PPARGC1A: variants seen among roughly 807,000 people sequenced by gnomAD.
The protein encoded by PPARGC1A is PPARG coactivator 1 alpha, also known as peroxisome proliferator-activated receptor gamma coactivator 1-alpha.
PPARGC1A carries 25 observed loss-of-function variants against 88.7 expected under a neutral mutation model. That is an observed-to-expected ratio of 0.28 (90% CI 0.21 to 0.39). PPARGC1A has a LOEUF of 0.39. Among genes scored for constraint, PPARGC1A ranks in the 10% least tolerant of loss-of-function variants. PPARGC1A has a pLI of 1.00. For synonymous variants in PPARGC1A, 363 were observed against 355.6 expected, an observed-to-expected ratio of 1.02 and a Z score of -0.24; for missense variants, 880 against 968.7, an observed-to-expected ratio of 0.91 and a Z score of 1.22.
the PPARGC1A span, among the ~76,000 whole-genome samples, chr4:24,453,276 A>G: frequency 6.6e-6 from 1 of 152,228 alleles, no homozygotes; most frequent in African/African-American, 2.4e-5. Context: ...TGTTTAAGAC[A>G]CCGAGCCCGT....
chr4:23,895,159 G>GAAA (rs773200297), intron 1 of PPARGC1A, among the ~76,000 whole-genome samples: 29 of 53,610 alleles, frequency 5.4e-4, no homozygotes, highest in African/African-American at 1.7e-3. Flanking sequence ...TTGTTTAACT[G>GAAA]AAAAAAAAAA....
At chr4:23,940,440 A>G in the PPARGC1A span, among the ~76,000 whole-genome samples, 1 of 152,242 alleles carries the variant, frequency 6.6e-6, no homozygotes, top group Non-Finnish European at 1.5e-5. Flanking sequence ...AGGTGACCTC[A>G]ACAGGCAATT....
At chr4:23,943,761 C>G in the PPARGC1A span, among the ~76,000 whole-genome samples, 4 of 152,284 alleles carry the variant, frequency 2.6e-5, no homozygotes, top group Admixed American at 2.6e-4. Context: ...AAGTTAACAT[C>G]ATCATAAATC....
At chr4:24,121,815 C>T in the PPARGC1A span, among the ~76,000 whole-genome samples, 593 of 152,288 alleles carry the variant, frequency 3.9e-3, 7 homozygotes, top group African/African-American at 0.014. Context: ...ATGATTTCAA[C>T]GCATGGTTAA....
At chr4:24,083,921 G>A in the PPARGC1A span, among the ~76,000 whole-genome samples, 1,751 of 152,242 alleles carry the variant, frequency 0.012, 22 homozygotes, top group Non-Finnish European at 0.017. Context: ...TCAATCACTC[G>A]TCCAAGTGCA....
the PPARGC1A span, among the ~76,000 whole-genome samples, chr4:24,423,060 T>C: frequency 2.0e-5 from 3 of 152,302 alleles, no homozygotes; most frequent in South Asian, 2.1e-4. Context: ...ACCATATATA[T>C]ACATGGTGTT....
At chr4:24,115,325 G>A in the PPARGC1A span, among the ~76,000 whole-genome samples, 1 of 151,792 alleles carries the variant, frequency 6.6e-6, no homozygotes, top group South Asian at 2.1e-4. Context: ...TTTTTAAATC[G>A]GTAAATAATA....
chr4:24,433,150 G>T, the PPARGC1A span, among the ~76,000 whole-genome samples: 1 of 152,078 alleles, frequency 6.6e-6, no homozygotes, highest in African/African-American at 2.4e-5. Context: ...ATAGCTAATG[G>T]GTTTTTTAAA....
the PPARGC1A span, among the ~76,000 whole-genome samples, chr4:23,965,004 C>T: frequency 6.6e-6 from 1 of 152,172 alleles, no homozygotes; most frequent in Non-Finnish European, 1.5e-5. Context: ...CAACTCATTT[C>T]TCAGGAAAAT....
chr4:23,873,212 A>AAAAG (rs1553899167), intron 2 of PPARGC1A, among the ~76,000 whole-genome samples: 1 of 147,150 alleles, frequency 6.8e-6, no homozygotes, highest in Non-Finnish European at 1.5e-5. Flanking sequence ...ATAAAAAATA[A>AAAAG]AAAATAAAAA....
the PPARGC1A span, among the ~76,000 whole-genome samples, chr4:24,444,943 C>T: frequency 5.3e-5 from 8 of 152,062 alleles, no homozygotes; most frequent in Admixed American, 5.2e-4. Flanking sequence ...GTCCCAGCTA[C>T]TCGGGAGGCT....
the PPARGC1A span, among the ~76,000 whole-genome samples, chr4:24,472,331 G>A: frequency 6.6e-6 from 1 of 151,706 alleles, no homozygotes; most frequent in Non-Finnish European, 1.5e-5. This position sits in a 1 kb window ranked among gnomAD's most constrained non-coding sequence, Gnocchi z 4.5. Flanking sequence ...CGCGCGGCAG[G>A]GGGCAAGGGG....
At chr4:23,971,067 C>A in the PPARGC1A span, among the ~76,000 whole-genome samples, 44 of 152,224 alleles carry the variant, frequency 2.9e-4, no homozygotes, top group African/African-American at 9.9e-4. Context: ...CAGCAGAGGG[C>A]TCCACGCTCC....
At chr4:24,339,225 T>TACACACACACAC in the PPARGC1A span, among the ~76,000 whole-genome samples, 2 of 80,402 alleles carry the variant, frequency 2.5e-5, no homozygotes, top group Non-Finnish European at 2.8e-5. Context: ...TATATATATA[T>TACACACACACAC]ATATATATAT....
chr4:24,229,538 TAA>T, the PPARGC1A span, among the ~76,000 whole-genome samples: 1 of 151,436 alleles, frequency 6.6e-6, no homozygotes, highest in Non-Finnish European at 1.5e-5. Context: ...AATCTTTCTT[TAA>T]AAGAGTTGTT....
the PPARGC1A span, among the ~76,000 whole-genome samples, chr4:24,424,497 G>A: frequency 5.9e-3 from 890 of 151,956 alleles, 8 homozygotes; most frequent in African/African-American, 0.02. Context: ...GGATGGCCTC[G>A]ATCTCCTGAC....
chr4:24,136,836 C>G, the PPARGC1A span, among the ~76,000 whole-genome samples: 1 of 152,070 alleles, frequency 6.6e-6, no homozygotes, highest in African/African-American at 2.4e-5. Context: ...TAAAATGGAC[C>G]TGGGGTCAGT....
At chr4:24,043,919 G>A in the PPARGC1A span, among the ~76,000 whole-genome samples, 1 of 152,150 alleles carries the variant, frequency 6.6e-6, no homozygotes, top group South Asian at 2.1e-4. Flanking sequence ...AGACATGGAG[G>A]AAGGACATTT....
the PPARGC1A span, among the ~76,000 whole-genome samples, chr4:24,189,437 C>T: frequency 6.6e-6 from 1 of 152,034 alleles, no homozygotes; most frequent in Non-Finnish European, 1.5e-5. Flanking sequence ...CAGGAAGTTC[C>T]ACCACACCCC....
Sources: gnomAD v4.1 joint callset for allele counts (sites outside exome capture counted in the v4.1 genomes callset) on GRCh38, gnomAD v4.1.1 for gene constraint, Gnocchi (gnomAD v3.1) non-coding constraint, MANE v1.5 for transcripts, NCBI Gene and HGNC (gene_info 2026-07-23, HGNC 2026-07-21) for gene names.